The following MBNL2 variants were observed in gnomAD, a reference collection of about 807,000 sequenced individuals.
MBNL2 encodes muscleblind-like protein 2.
MBNL2 carries 17 observed loss-of-function variants against 41.9 expected under a neutral mutation model. The ratio of observed to expected loss-of-function variants is 0.41; its 90% confidence interval spans 0.28 to 0.61. MBNL2 has a LOEUF of 0.61. Among genes scored for constraint, MBNL2 ranks in the 20% least tolerant of loss-of-function variants. The probability of loss-of-function intolerance (pLI) is 0.35; values close to 1 mark genes in which losing one functional copy is unlikely to be tolerated. For missense variants in MBNL2, 336 were observed against 505.6 expected (o/e 0.66, Z 3.22); for synonymous variants, 195 against 182.9 (o/e 1.07, Z -0.53).
Position 97,366,046 on chromosome 13 carries a change from G to T in MBNL2, c.1048+875G>T, listed in dbSNP as rs1213606807. On this transcript the variant is annotated intron_variant, in intron 8 of 8. Coordinates refer to ENST00000679496, the MANE Select transcript of MBNL2 (RefSeq NM_001382683.1). This position sits in a 1 kb window ranked among gnomAD's most constrained non-coding sequence, Gnocchi z 4.7. Reference sequence around the variant, plus strand: ...TAGGTCTCCATATGGAGACTTGGATGTCTCAGAGTTTATGATTAAAAGTGA... The same window carrying T: ...TAGGTCTCCATATGGAGACTTGGATTTCTCAGAGTTTATGATTAAAAGTGA... Among the ~76,000 whole-genome samples the T allele has an allele frequency of 6.6e-6, 1 of 152,116 alleles. No individual in the cohort carries two copies. The highest frequency in any genetic ancestry group is 1.5e-5 in the Non-Finnish European group (1 of 68,028).
chr13:97,324,388 G>A (rs2059747089), intron 2 of MBNL2, among the ~76,000 whole-genome samples: 1 of 152,142 alleles, frequency 6.6e-6, no homozygotes, highest in Non-Finnish European at 1.5e-5. Flanking sequence ...AGAAGTTCGG[G>A]AAGTAGACAG....
intron 4 of MBNL2, among the ~76,000 whole-genome samples, chr13:97,344,263 C>T (rs1293313039): frequency 2.0e-5 from 3 of 152,176 alleles, no homozygotes; most frequent in African/African-American, 7.2e-5. Context: ...TTAATCAGAG[C>T]TGTAGAACTC....
At chr13:97,170,758 C>A in the MBNL2 span, among the ~76,000 whole-genome samples, 1 of 152,168 alleles carries the variant, frequency 6.6e-6, no homozygotes, top group African/African-American at 2.4e-5. Flanking sequence ...ATGTTATCTG[C>A]AGGACCTCTG....
intron 8 of MBNL2, among the ~76,000 whole-genome samples, chr13:97,387,648 G>A (rs889211067): frequency 2.0e-5 from 3 of 152,168 alleles, no homozygotes; most frequent in African/African-American, 7.2e-5. Context: ...TGCCCTGGAG[G>A]GGATGCCTTC....
chr13:97,222,824 ATTTTC>A (rs1282848308), intron 1 of MBNL2, among the ~76,000 whole-genome samples: 1 of 152,156 alleles, frequency 6.6e-6, no homozygotes, highest in Non-Finnish European at 1.5e-5. Flanking sequence ...GAGCAATCTT[ATTTTC>A]TTGCTGTGAA....
chr13:97,355,493 C>G (rs986344064), intron 5 of MBNL2, among the ~76,000 whole-genome samples: 1 of 152,028 alleles, frequency 6.6e-6, no homozygotes, highest in African/African-American at 2.4e-5. Context: ...ATTAGAGAAA[C>G]CTTAGGGACT....
chr13:97,239,862 C>G (rs2043948334), intron 1 of MBNL2, among the ~76,000 whole-genome samples: 1 of 152,204 alleles, frequency 6.6e-6, no homozygotes, highest in Admixed American at 6.5e-5. Flanking sequence ...CACTCGAAAA[C>G]TTAATAAAAG....
intron 2 of MBNL2, among the ~76,000 whole-genome samples, chr13:97,277,949 A>G (rs2052508992): frequency 6.6e-6 from 1 of 152,132 alleles, no homozygotes; most frequent in Non-Finnish European, 1.5e-5. Context: ...AGCAATAGAA[A>G]CATTCACTAT....
chr13:97,338,381 A>G (rs1342254221), intron 3 of MBNL2, among the ~76,000 whole-genome samples: 1 of 152,170 alleles, frequency 6.6e-6, no homozygotes, highest in Non-Finnish European at 1.5e-5. Context: ...TTGCTTATCC[A>G]TACAAATGAA....
At chr13:97,217,649 G>A (rs918203643), upstream of MBNL2, among the ~76,000 whole-genome samples, 3 of 152,156 alleles carry the variant, frequency 2.0e-5, no homozygotes, top group African/African-American at 7.2e-5. Flanking sequence ...TGGATGTAAA[G>A]GTAGGAAGGA....
chr13:97,227,750 C>T lies in MBNL2; in HGVS notation c.-605+5219C>T, dbSNP rs117621644. Among the ~76,000 whole-genome samples, 50 of 152,258 alleles carry T rather than the reference C, an allele frequency of 3.3e-4. 1 individual carries two copies. In the East Asian group the frequency reaches 9.5e-3, roughly 29 times the overall value. On this transcript the variant is annotated intron_variant, in intron 1 of 8. Transcript: ENST00000679496. ...GGGTGCACATGCTTGTCCCCAAATG[C>T]CTTCATGGGCAGCGTGTGCATTTAG... is the stretch of plus-strand genomic sequence containing the variant.
the MBNL2 span, among the ~76,000 whole-genome samples, chr13:97,177,620 A>G: frequency 5.3e-5 from 8 of 152,360 alleles, no homozygotes; most frequent in South Asian, 1.7e-3. Flanking sequence ...AAAGTTGGAG[A>G]AGAAAATCAT....
intron 1 of MBNL2, among the ~76,000 whole-genome samples, chr13:97,238,628 C>T (rs1487232834): frequency 3.3e-5 from 5 of 152,056 alleles, no homozygotes; most frequent in Admixed American, 6.5e-5. Context: ...AAGAGTGCTG[C>T]GTGGGCTGCT....
chr13:97,367,314 G>GT (rs1458013019), intron 8 of MBNL2, among the ~76,000 whole-genome samples: 2 of 152,130 alleles, frequency 1.3e-5, no homozygotes, highest in Non-Finnish European at 2.9e-5. Context: ...GCAAACATGT[G>GT]CTCCTAGCCA....
chr13:97,289,912 G>T (rs890712203), intron 2 of MBNL2, among the ~76,000 whole-genome samples: 33 of 152,182 alleles, frequency 2.2e-4, no homozygotes, highest in Non-Finnish European at 2.9e-5. Context: ...TATTAAAGAA[G>T]AATACAACTT....
chr13:97,302,168 C>G (rs2057693131), intron 2 of MBNL2, among the ~76,000 whole-genome samples: 1 of 152,210 alleles, frequency 6.6e-6, no homozygotes, highest in South Asian at 2.1e-4. Context: ...TCTTCCTAAG[C>G]TAGTTCCCCT....
intron 8 of MBNL2, among the ~76,000 whole-genome samples, chr13:97,385,278 C>A (rs769464201): frequency 6.6e-6 from 1 of 152,164 alleles, no homozygotes; most frequent in African/African-American, 2.4e-5. Context: ...GTTAGTGCAC[C>A]AGCCCTGCTT....
chr13:97,164,389 G>A, the MBNL2 span, among the ~76,000 whole-genome samples: 1 of 152,182 alleles, frequency 6.6e-6, no homozygotes, highest in Admixed American at 6.5e-5. Context: ...CCACGACTCT[G>A]CTTTATTAAC....
chr13:97,212,341 G>A, the MBNL2 span, among the ~76,000 whole-genome samples: 1 of 151,986 alleles, frequency 6.6e-6, no homozygotes, highest in East Asian at 1.9e-4. Flanking sequence ...TGTTCAGAGG[G>A]CGCTTTCTGC....
Sources: allele counts gnomAD v4.1 joint callset (sites outside exome capture counted in the v4.1 genomes callset), GRCh38; gene constraint gnomAD v4.1.1; non-coding constraint Gnocchi (gnomAD v3.1); transcripts MANE v1.5; gene names NCBI Gene and HGNC (gene_info 2026-07-23, HGNC 2026-07-21).